The following LRP2 variants were observed in gnomAD, a reference collection of about 807,000 sequenced individuals.
LRP2 encodes the protein low-density lipoprotein receptor-related protein 2.
LRP2 carries 172 observed loss-of-function variants against 531.0 expected under a neutral mutation model. The observed-to-expected ratio is 0.32, with a 90% CI of 0.29 to 0.37. The LOEUF is 0.37. LRP2 is among the 10% of genes least tolerant of loss of function. The probability of loss-of-function intolerance (pLI) is 1.00; values close to 1 mark genes in which losing one functional copy is unlikely to be tolerated. For missense variants in LRP2, 5,167 were observed against 5,868.3 expected (o/e 0.88, Z 3.90); for synonymous variants, 1,992 against 2,027.6 (o/e 0.98, Z 0.47).
intron 34 of LRP2, among the ~76,000 whole-genome samples, chr2:169,218,931 T>A (rs1047463751): frequency 2.6e-5 from 4 of 152,142 alleles, no homozygotes; most frequent in Non-Finnish European, 1.5e-5. Context: ...CCACTGCCCA[T>A]ATAAAAGACA....
rs1161806047 is a variant in LRP2, at chr2:169,212,065, A to G, written c.6183T>C (p.Tyr2061=). 3.1e-6 allele frequency: 5 copies of G among 1,614,116 alleles called. No individual in the cohort carries two copies. The highest frequency in any genetic ancestry group is 3.4e-6 in the Non-Finnish European group (4 of 1,179,956). ...GCATTGAAACAACAATGAAAGAGTTATATGGAGAGCAGGACCGATTATCAG... is the reference window on the plus strand; with the variant it reads ...GCATTGAAACAACAATGAAAGAGTTGTATGGAGAGCAGGACCGATTATCAG... ...LNPDNRSCSP[Y]NSFIVVSMLS... The change falls in exon 37 of 79, where the codon TAT becomes TAC. Residue 2061 remains tyrosine, a synonymous_variant. Transcript: ENST00000649046.
At chr2:169,332,752 T>C (rs1049613235) in intron 1 of LRP2, among the ~76,000 whole-genome samples, 9 of 152,192 alleles carry the variant, frequency 5.9e-5, no homozygotes, top group African/African-American at 2.2e-4. Flanking sequence ...TACATGCACA[T>C]ACACATATAT....
chr2:169,293,683 G>A (rs1173097459), intron 6 of LRP2, among the ~76,000 whole-genome samples: 1 of 146,708 alleles, frequency 6.8e-6, no homozygotes, highest in Non-Finnish European at 1.5e-5. Flanking sequence ...TCCAAAAAAA[G>A]AAAACGAAGA....
chr2:169,262,601 C>T (rs1690607555), intron 16 of LRP2, among the ~76,000 whole-genome samples: 1 of 149,796 alleles, frequency 6.7e-6, no homozygotes, highest in Admixed American at 6.7e-5. Flanking sequence ...AAAGAGGATA[C>T]AAACAAATGG....
At chr2:169,341,099 A>G (rs1298448955) in intron 1 of LRP2, among the ~76,000 whole-genome samples, 1 of 152,178 alleles carries the variant, frequency 6.6e-6, no homozygotes, top group Non-Finnish European at 1.5e-5. Context: ...CATTCAGTGG[A>G]TATCAAGAAA....
At chr2:169,327,415 C>G (rs1417826695) in intron 1 of LRP2, among the ~76,000 whole-genome samples, 1 of 131,954 alleles carries the variant, frequency 7.6e-6, no homozygotes, top group Non-Finnish European at 1.6e-5. Flanking sequence ...GCCGGGCCAG[C>G]CACCCCGTCC....
At chr2:169,271,959 C>A (rs1434417942) in intron 15 of LRP2, among the ~76,000 whole-genome samples, 1 of 151,994 alleles carries the variant, frequency 6.6e-6, no homozygotes, top group Non-Finnish European at 1.5e-5. Context: ...ATGCCCAAGA[C>A]AAAGATAAAA....
chr2:169,304,059 T>C (rs1684352399), intron 4 of LRP2, among the ~76,000 whole-genome samples: 1 of 152,232 alleles, frequency 6.6e-6, no homozygotes, highest in South Asian at 2.1e-4. Flanking sequence ...TTGGCAAAGT[T>C]GTGAGCCGGT....
At chr2:169,267,133 T>G (rs1683230562) in intron 16 of LRP2, among the ~76,000 whole-genome samples, 1 of 151,754 alleles carries the variant, frequency 6.6e-6, no homozygotes, top group Admixed American at 6.6e-5. Context: ...CAAGCAATCC[T>G]CCCGTCTCGG....
At chr2:169,312,713 G>T (rs1308305355) in intron 3 of LRP2, among the ~76,000 whole-genome samples, 1 of 152,106 alleles carries the variant, frequency 6.6e-6, no homozygotes, top group African/African-American at 2.4e-5. Flanking sequence ...ATGTCTTTGT[G>T]GCATTCTCTG....
chr2:169,290,482 C>G (rs1683972422), intron 8 of LRP2, among the ~76,000 whole-genome samples: 1 of 152,008 alleles, frequency 6.6e-6, no homozygotes, highest in Non-Finnish European at 1.5e-5. Flanking sequence ...TTCTTCCATC[C>G]ACTCTGGGTT....
chr2:169,307,068 T>C (rs898889493), intron 4 of LRP2, among the ~76,000 whole-genome samples: 1 of 152,240 alleles, frequency 6.6e-6, no homozygotes, highest in African/African-American at 2.4e-5. Context: ...AGAAACTTGA[T>C]GCACTAAGGC....
chr2:169,185,830 G>C lies in LRP2; in HGVS notation c.9518C>G (p.Ser3173Cys). The C allele has an allele frequency of 6.2e-7, 1 of 1,613,924 alleles. No homozygotes were observed. Among genetic ancestry groups the C allele is most frequent in the Non-Finnish European group, 8.5e-7 (1 of 1,179,982 alleles). ...GCCTGGGGCACACTTACAGATGTAG[G>C]AGCCTATTACATTCTCACACTTCTG... ...CSQKCENVIG[S>C]YICKCAPGYL... Residue 3173 changes from serine to cysteine, a missense_variant, in exon 50 of 79, where the codon TCC becomes TGC. Coordinates refer to ENST00000649046, the MANE Select transcript of LRP2 (RefSeq NM_004525.3).
chr2:169,176,938 C>T lies in LRP2; in HGVS notation c.10394-350G>A, dbSNP rs141395053. ...TTAAAGTTTTAATTTCCAACAGATG[C>T]TATATTCATTCCCTCATTCTAAGTA... On this transcript the variant is annotated intron_variant, in intron 53 of 78. Coordinates refer to ENST00000649046, the MANE Select transcript of LRP2 (RefSeq NM_004525.3). Among the ~76,000 whole-genome samples the T allele has an allele frequency of 9.7e-3, 1,480 of 152,230 alleles. 23 individuals carry two copies. Among genetic ancestry groups the T allele is most frequent in the African/African-American group, 0.033 (1,377 of 41,540 alleles).
chr2:169,180,566 CT>C (rs1687390353), intron 52 of LRP2, among the ~76,000 whole-genome samples: 1 of 152,226 alleles, frequency 6.6e-6, no homozygotes, highest in Non-Finnish European at 1.5e-5. Context: ...GGTATTCCTT[CT>C]TTTTCAGTGG....
chr2:169,211,030 GA>G (rs962762803), intron 37 of LRP2, among the ~76,000 whole-genome samples: 6 of 152,100 alleles, frequency 3.9e-5, no homozygotes, highest in South Asian at 4.1e-4. Flanking sequence ...AAAGCTGGGA[GA>G]AAAAAACTAT....
In LRP2 at chr2:169,185,661, A is replaced by C. The variant is rs560114189; in HGVS notation, c.9687T>G (p.Val3229=). ...CTACTCGGTCAAAATCTAATGCCAC[A>C]ACATTGTCCAGTCCTTCCAAGATGA... ...YSLILEGLDN[V]VALDFDRVEK... is the part of the protein sequence containing the mutation. The change falls in exon 50 of 79, where the codon GTT becomes GTG. Residue 3229 remains valine (V), a synonymous_variant. Transcript: ENST00000649046. The C allele has an allele frequency of 6.2e-7, 1 of 1,614,194 alleles. No individual in the cohort carries two copies. The highest frequency in any genetic ancestry group is 1.3e-5 in the African/African-American group (1 of 75,044).
Position 169,251,738 on chromosome 2 carries a change from C to T in LRP2, c.2771-4223G>A, listed in dbSNP as rs1387771448. On this transcript the variant is annotated intron_variant, in intron 19 of 78. Coordinates refer to ENST00000649046, the MANE Select transcript of LRP2 (RefSeq NM_004525.3). ...GAAAGGATCAACAAAATTGATAGAC[C>T]GCTAGCAAGACTAATAAAGAAAGAA... is the stretch of plus-strand genomic sequence containing the variant. Among the ~76,000 whole-genome samples the T allele has an allele frequency of 6.6e-5, 6 of 90,476 alleles. 2 individuals carry two copies. Among genetic ancestry groups the T allele is most frequent in the African/African-American group, 1.8e-4 (3 of 16,544 alleles). 59.4% of individuals were successfully genotyped at this position (90,476 alleles called of 152,430 possible).
intron 3 of LRP2, among the ~76,000 whole-genome samples, chr2:169,308,184 C>T (rs981279468): frequency 1.3e-5 from 2 of 151,936 alleles, no homozygotes; most frequent in Admixed American, 6.6e-5. Flanking sequence ...AAAAGATTTG[C>T]TCTCAATTTT....
Sources: allele counts gnomAD v4.1 joint callset (sites outside exome capture counted in the v4.1 genomes callset), GRCh38; gene constraint gnomAD v4.1.1; transcripts MANE v1.5; gene names NCBI Gene and HGNC (gene_info 2026-07-23, HGNC 2026-07-21).